The following CAPG variants were observed in gnomAD, a reference collection of about 807,000 sequenced individuals.
The protein encoded by CAPG is macrophage-capping protein.
In CAPG, 32 loss-of-function variants were observed where a neutral mutation model predicts 44.6. That is an observed-to-expected ratio of 0.72 (90% CI 0.54 to 0.96). CAPG has a LOEUF of 0.96. Ranked by LOEUF, CAPG falls within the 50% of genes least tolerant of loss-of-function variation. The pLI, the probability that CAPG is intolerant of heterozygous loss-of-function variation, is 0.00. For synonymous variants in CAPG, 175 were observed against 179.6 expected (o/e 0.97, Z 0.20); for missense variants, 412 against 438.3 (o/e 0.94, Z 0.54).
At position 85,395,555 on chromosome 2, in the gene CAPG, A is replaced by G. The variant is rs1276780213; in HGVS notation, c.964T>C (p.Tyr322His). The change falls in exon 9 of 10, where the codon TAC (tyrosine) becomes CAC (histidine). Residue 322 changes from tyrosine (Y) to histidine (H), a missense_variant. Transcript: ENST00000263867. This position sits in a 1 kb window ranked among gnomAD's most constrained non-coding sequence, Gnocchi z 4.3. Reference protein sequence around the residue: ...VAEGFISRMQYAPNTQVEILP... With the variant: ...VAEGFISRMQHAPNTQVEILP... ...CTCCTCACCTGAGTGTTCGGGGCGT[A>G]CTGCATGCGCGAGATGAAGCCCTCG... 6 of 1,613,768 alleles carry G rather than the reference A, an allele frequency of 3.7e-6. No homozygotes were observed. The South Asian group carries it at 5.5e-5, about 15-fold the overall frequency.
chr2:85,410,924 T>C (rs1332772589), upstream of CAPG, among the ~76,000 whole-genome samples: 1 of 151,804 alleles, frequency 6.6e-6, no homozygotes, highest in Non-Finnish European at 1.5e-5. Context: ...GCCGTGGCAT[T>C]ATCACCGCTA....
rs541914548 is a variant in CAPG at position 85,400,167 on chromosome 2, G to A, written c.517-882C>T. On this transcript the variant is annotated intron_variant, in intron 5 of 9. Coordinates refer to ENST00000263867, the MANE Select transcript of CAPG (RefSeq NM_001747.4). ...TTTGTTTGGCTTTGCTCACCACTGT[G>A]GGCCCACTGCTAAAACAGAGCCCGG... 4.6e-5 allele frequency among the ~76,000 whole-genome samples: 7 copies of A among 152,306 alleles called. No individual in the cohort carries two copies. The East Asian group carries it at 1.3e-3, about 29-fold the overall frequency.
intron 1 of CAPG, among the ~76,000 whole-genome samples, chr2:85,407,986 G>A (rs1350498471): frequency 1.3e-5 from 2 of 151,778 alleles, no homozygotes; most frequent in East Asian, 3.9e-4. Context: ...CCAGCCCTCT[G>A]TCCAAGCCCA....
rs766813819 is a variant in CAPG, at chr2:85,395,624, G to A, written c.895C>T (p.Arg299Ter). 12 of 1,612,220 alleles carry A rather than the reference G, an allele frequency of 7.4e-6. No homozygotes were observed. The highest frequency in any genetic ancestry group is 2.2e-5 in the South Asian group (2 of 90,870). Residue 299 changes from arginine to a stop codon, truncating the protein, a stop_gained and splice_region_variant, in exon 9 of 10, where the codon CGA becomes TGA. Transcript: ENST00000263867. LOFTEE classifies it high-confidence loss of function. This position sits in a 1 kb window ranked among gnomAD's most constrained non-coding sequence, Gnocchi z 4.3. ...LCGKIYIWKG[R>*]KANEKERQAA... ...TGCCGCTCCTTCTCATTCGCTTTTC[G>A]CCCTAGATCATAGGAAGGAGATTTT...
chr2:85,394,388 C>G (rs1686488908), downstream of CAPG, among the ~76,000 whole-genome samples: 1 of 152,252 alleles, frequency 6.6e-6, no homozygotes, highest in Non-Finnish European at 1.5e-5. Context: ...AAAGGCTGTC[C>G]TCTCTTGCTC....
chr2:85,394,973 G>C lies in CAPG; in HGVS notation c.982-15C>G. 1 of 1,598,172 alleles carries C rather than the reference G, an allele frequency of 6.3e-7. No individual in the cohort carries two copies. Among genetic ancestry groups the C allele is most frequent in the Non-Finnish European group, 8.6e-7 (1 of 1,165,498 alleles). ...AGAATCTCCACCTGCAGGGACAGCG[G>C]GGGAGAAGTCTGGTTCACAAAGTTG... On this transcript the variant is annotated splice_polypyrimidine_tract_variant and intron_variant, in intron 9 of 9. Coordinates refer to ENST00000263867, the MANE Select transcript of CAPG (RefSeq NM_001747.4).
At chr2:85,392,554 T>C (rs925212940), downstream of CAPG, among the ~76,000 whole-genome samples, 3 of 152,104 alleles carry the variant, frequency 2.0e-5, no homozygotes, top group African/African-American at 7.2e-5. Flanking sequence ...TCTGACCCAC[T>C]GCAGGGGGAA....
chr2:85,391,785 T>G (rs996988059), downstream of CAPG: 7 of 152,610 alleles, frequency 4.6e-5, no homozygotes, highest in Admixed American at 4.6e-4. Flanking sequence ...AGACAAGTCT[T>G]GCACCATCCT....
At chr2:85,401,487 A>G (rs1389391092) in intron 4 of CAPG, 42 bp downstream of exon 4, 3 of 1,608,204 alleles carry the variant, frequency 1.9e-6, no homozygotes, top group South Asian at 2.2e-5. Context: ...GCTGGCTCTG[A>G]GGGAAGCTGC....
At position 85,401,343 on chromosome 2, in the gene CAPG, G is replaced by A. The variant is rs769962023; in HGVS notation, c.352-14C>T. On this transcript the variant is annotated splice_polypyrimidine_tract_variant and intron_variant, in intron 4 of 9. Transcript: ENST00000263867. ...CACACCACCTTCCTGCAGCCCAGAC[G>A]GCCCATCTGAGTGGACTGACAGGAG... 1.4e-5 allele frequency: 23 copies of A among 1,612,268 alleles called. No homozygotes were observed. The highest frequency in any genetic ancestry group is 7.7e-5 in the South Asian group (7 of 90,910).
chr2:85,413,152 C>G (rs1382809754), upstream of CAPG: 1 of 152,044 alleles, frequency 6.6e-6, no homozygotes, highest in East Asian at 1.9e-4. Context: ...CCTTGGGTGG[C>G]TCTTAAGTTC....
At chr2:85,392,344 T>C (rs1263423902), downstream of CAPG, among the ~76,000 whole-genome samples, 1 of 147,772 alleles carries the variant, frequency 6.8e-6, no homozygotes, top group Non-Finnish European at 1.5e-5. Context: ...GAGTCGAGAC[T>C]GTGCCATTGC....
upstream of CAPG, chr2:85,414,198 GTGC>G (rs1424624023): frequency 6.6e-6 from 1 of 152,294 alleles, no homozygotes; most frequent in Middle Eastern, 3.2e-3. Context: ...CAAGCTTACT[GTGC>G]TGTAAACTTT....
At chr2:85,411,184 C>A (rs1476970299), upstream of CAPG, among the ~76,000 whole-genome samples, 1 of 152,192 alleles carries the variant, frequency 6.6e-6, no homozygotes, top group Admixed American at 6.5e-5. Flanking sequence ...ATGGCTGAGG[C>A]CATAAAACAT....
Position 85,399,177 on chromosome 2 carries a change from C to T in CAPG, c.625G>A (p.Glu209Lys), listed in dbSNP as rs755435110. 21 of 1,614,136 alleles carry T rather than the reference C, an allele frequency of 1.3e-5. No homozygotes were observed. Among genetic ancestry groups the T allele is most frequent in the Middle Eastern group, 1.6e-4 (1 of 6,082 alleles). The change falls in exon 6 of 10, where the codon GAG (glutamate) becomes AAG (lysine). Residue 209 changes from glutamate (E) to lysine (K), a missense_variant. Glu to Lys is a moderately conservative substitution (Grantham distance 56). Coordinates refer to ENST00000263867, the MANE Select transcript of CAPG (RefSeq NM_001747.4). ...DSERQGKAQV[E>K]IVTDGEEPAE... ...GGCTCCTCCCCATCAGTGACAATCT[C>T]CACCTGGGCCTTGCCCTGTCGCTCA... is the stretch of plus-strand genomic sequence containing the variant.
downstream of CAPG, among the ~76,000 whole-genome samples, chr2:85,393,128 C>A (rs895374405): frequency 1.3e-5 from 2 of 151,876 alleles, no homozygotes; most frequent in Non-Finnish European, 2.9e-5. Flanking sequence ...CTCCACCTCC[C>A]GGGCTCAAGC....
chr2:85,399,724 A>G lies in CAPG; in HGVS notation c.517-439T>C, dbSNP rs560724584. ...AGGCTGGTTACAAACCGCTGGGCTC[A>G]AGCCTCTTTCTTTTTCTTTTTTTTT... On this transcript the variant is annotated intron_variant, in intron 5 of 9. Coordinates refer to ENST00000263867, the MANE Select transcript of CAPG (RefSeq NM_001747.4). Among the ~76,000 whole-genome samples, 407 of 150,006 alleles carry G rather than the reference A, an allele frequency of 2.7e-3. 3 individuals are homozygous for G. Among genetic ancestry groups the G allele is most frequent in the African/African-American group, 9.5e-3 (385 of 40,692 alleles).
chr2:85,397,906 GCTT>G, intron 8 of CAPG, 111 bp downstream of exon 8: 1 of 1,072,974 alleles, frequency 9.3e-7, no homozygotes, highest in Non-Finnish European at 1.4e-6. Context: ...AAGCATGCAG[GCTT>G]CCTGAGGCTG....
chr2:85,395,896 G>T lies in CAPG; in HGVS notation c.893-270C>A, dbSNP rs1469371512. 2.3e-5 allele frequency: 10 copies of T among 443,756 alleles called. No homozygotes were observed. Among genetic ancestry groups the T allele is most frequent in the Non-Finnish European group, 1.2e-5 (3 of 242,376 alleles). 27.5% of individuals were successfully genotyped at this position (443,756 alleles called of 1,614,324 possible). Reference sequence around the variant, plus strand: ...AACTCTGCTCTGACCTGGGCCCCTGGAATATTTCAGGGAGGGGAACAGGTG... The same window carrying T: ...AACTCTGCTCTGACCTGGGCCCCTGTAATATTTCAGGGAGGGGAACAGGTG... On this transcript the variant is annotated intron_variant, in intron 8 of 9. Coordinates refer to ENST00000263867, the MANE Select transcript of CAPG (RefSeq NM_001747.4). The surrounding 1 kb of genome is among the most constrained non-coding windows in gnomAD (Gnocchi z 4.3).
Sources: allele counts gnomAD v4.1 joint callset (sites outside exome capture counted in the v4.1 genomes callset), GRCh38; gene constraint gnomAD v4.1.1; non-coding constraint Gnocchi (gnomAD v3.1); transcripts MANE v1.5; gene names NCBI Gene and HGNC (gene_info 2026-07-23, HGNC 2026-07-21).